Variants in ADARB2 observed in about 807,000 individuals in gnomAD.
ADARB2 encodes adenosine deaminase RNA specific B2 (inactive), also known as inactive double-stranded RNA-specific editase B2.
A neutral mutation model predicts 62.2 loss-of-function variants in ADARB2; 25 were observed. That is an observed-to-expected ratio of 0.40 (90% CI 0.29 to 0.56). ADARB2 has a LOEUF of 0.56. Among genes scored for constraint, ADARB2 ranks in the 20% least tolerant of loss-of-function variants. ADARB2 has a pLI of 0.43. For missense variants in ADARB2, 1,071 were observed against 1,077.4 expected, an observed-to-expected ratio of 0.99 and a Z score of 0.08; for synonymous variants, 572 against 500.8, an observed-to-expected ratio of 1.14 and a Z score of -1.90.
intron 1 of ADARB2, among the ~76,000 whole-genome samples, chr10:1,722,269 T>C (rs1272242881): frequency 1.3e-5 from 2 of 152,248 alleles, no homozygotes; most frequent in Non-Finnish European, 2.9e-5. Flanking sequence ...CTGGCTATTA[T>C]TGTGCATGCA....
At chr10:1,293,493 C>T (rs1321189969) in intron 3 of ADARB2, among the ~76,000 whole-genome samples, 2 of 152,178 alleles carry the variant, frequency 1.3e-5, no homozygotes, top group African/African-American at 4.8e-5. Flanking sequence ...AAATCTCTGC[C>T]TCTGTTGTGA....
rs139842618 is a variant in ADARB2, at chr10:1,420,329, G to A, written c.101-41169C>T. On this transcript the variant is annotated intron_variant, in intron 1 of 9. Coordinates refer to ENST00000381312, the MANE Select transcript of ADARB2 (RefSeq NM_018702.4). ...TGTAAGGCTGACAAAGAGTAGCACA[G>A]ACAGATATGTGGTGGGGGATTGTCA... Among the ~76,000 whole-genome samples, 235 of 152,326 alleles carry A rather than the reference G, an allele frequency of 1.5e-3. 1 individual carries two copies. The highest frequency in any genetic ancestry group is 3.8e-3 in the Admixed American group (58 of 15,302).
intron 1 of ADARB2, among the ~76,000 whole-genome samples, chr10:1,652,201 T>C (rs1183307687): frequency 6.6e-6 from 1 of 152,202 alleles, no homozygotes; most frequent in African/African-American, 2.4e-5. Context: ...CCTCACGCCC[T>C]GCAGCACAGC....
At chr10:1,361,064 G>A (rs112288821) in intron 3 of ADARB2, 2,922 of 152,326 alleles carry the variant, frequency 0.019, 35 homozygotes, top group Middle Eastern at 0.034. Flanking sequence ...TCCCAGCGAC[G>A]GGGGACACGC....
At chr10:1,402,137 T>G (rs1449448049) in intron 1 of ADARB2, among the ~76,000 whole-genome samples, 1 of 152,206 alleles carries the variant, frequency 6.6e-6, no homozygotes, top group Non-Finnish European at 1.5e-5. Flanking sequence ...GGAACTGCCC[T>G]GCAGACATTT....
In ADARB2 at chr10:1,217,022, T is replaced by C. The variant is rs140160847; in HGVS notation, c.1611A>G (p.Ala537=). 202 of 1,611,860 alleles carry C rather than the reference T, an allele frequency of 1.3e-4. No individual in the cohort carries two copies. The Admixed American group carries it at 1.5e-3, about 12-fold the overall frequency. The stretch of plus-strand genomic sequence containing the variant: ...GCAGGACGCCGTCCCAGGTCTGCAC[T>C]GCGCTGGGGCCACGCACGGGGACCG... ...EGTVPVRGPS[A]VQTWDGVLLG... The change falls in exon 7 of 10, where the codon GCA becomes GCG. Residue 537 remains alanine (A), a synonymous_variant. Transcript: ENST00000381312.
intron 1 of ADARB2, among the ~76,000 whole-genome samples, chr10:1,605,443 T>C (rs1833483308): frequency 1.3e-5 from 2 of 152,214 alleles, no homozygotes; most frequent in Admixed American, 1.3e-4. Context: ...TGATTCTGGA[T>C]TGAATGGGTA....
intron 1 of ADARB2, among the ~76,000 whole-genome samples, chr10:1,578,959 G>C (rs1377317688): frequency 6.6e-6 from 1 of 152,178 alleles, no homozygotes; most frequent in Non-Finnish European, 1.5e-5. Flanking sequence ...GGATGCCGCA[G>C]CCAGGGGCAG....
At chr10:1,698,170 T>C (rs1055938412) in intron 1 of ADARB2, among the ~76,000 whole-genome samples, 1 of 152,246 alleles carries the variant, frequency 6.6e-6, no homozygotes, top group African/African-American at 2.4e-5. Flanking sequence ...AATCAGATGG[T>C]AAAGACTTAA....
In ADARB2 at chr10:1,483,986, A is replaced by C. The variant is rs150419917; in HGVS notation, c.101-104826T>G. 6.8e-4 allele frequency among the ~76,000 whole-genome samples: 103 copies of C among 152,314 alleles called. No individual in the cohort carries two copies. The Middle Eastern group carries it at 0.014, about 20-fold the overall frequency. ...TTATTAACAATGCAGATACACATCA[A>C]AGCCACTATTGAATCTGTCTCTCCC... On this transcript the variant is annotated intron_variant, in intron 1 of 9. Transcript: ENST00000381312.
chr10:1,442,437 C>T (rs1302368597), intron 1 of ADARB2, among the ~76,000 whole-genome samples: 1 of 152,104 alleles, frequency 6.6e-6, no homozygotes, highest in Admixed American at 6.5e-5. Flanking sequence ...GAGCTCAAAC[C>T]ACAGGCCTGC....
intron 1 of ADARB2, among the ~76,000 whole-genome samples, chr10:1,579,649 A>G (rs913476446): frequency 1.3e-5 from 2 of 152,246 alleles, no homozygotes; most frequent in African/African-American, 4.8e-5. Flanking sequence ...AAAAAATAAA[A>G]TAAAGACTCC....
intron 1 of ADARB2, among the ~76,000 whole-genome samples, chr10:1,580,165 G>C (rs1310874815): frequency 1.3e-5 from 2 of 152,178 alleles, no homozygotes; most frequent in Non-Finnish European, 2.9e-5. Flanking sequence ...TTGTTGCACA[G>C]GTAAATCGCG....
intron 1 of ADARB2, among the ~76,000 whole-genome samples, chr10:1,566,967 G>C (rs1832867603): frequency 1.3e-5 from 2 of 152,070 alleles, no homozygotes; most frequent in Non-Finnish European, 2.9e-5. Flanking sequence ...ACACCTGTCA[G>C]GAAAGAAAAT....
chr10:1,376,882 G>C (rs1434169456), intron 2 of ADARB2, among the ~76,000 whole-genome samples: 1 of 145,422 alleles, frequency 6.9e-6, no homozygotes, highest in African/African-American at 2.5e-5. Context: ...TGGGTGGGGG[G>C]GGTTGTGTGC....
intron 1 of ADARB2, among the ~76,000 whole-genome samples, chr10:1,657,647 CA>C (rs1834188185): frequency 6.6e-6 from 1 of 152,188 alleles, no homozygotes; most frequent in Admixed American, 6.5e-5. Flanking sequence ...TAACAGACCT[CA>C]GAAGCCTTCC....
At chr10:1,204,062 CAG>C (rs1202564359) in intron 7 of ADARB2, among the ~76,000 whole-genome samples, 1 of 152,124 alleles carries the variant, frequency 6.6e-6, no homozygotes, top group Non-Finnish European at 1.5e-5. Context: ...TGGAAGAGCA[CAG>C]GGGACAGTTG....
chr10:1,375,789 C>A (rs1832418555), intron 2 of ADARB2, among the ~76,000 whole-genome samples: 2 of 138,632 alleles, frequency 1.4e-5, no homozygotes, highest in African/African-American at 5.8e-5. Context: ...CACACACATG[C>A]ACACACGCAC....
chr10:1,326,933 CCAGCGCCTCCCCACGGCA>C (rs1554754408), intron 3 of ADARB2, among the ~76,000 whole-genome samples: 2 of 23,286 alleles, frequency 8.6e-5, no homozygotes, highest in African/African-American at 1.9e-4. Context: ...TCCCCACTGC[CCAGCGCCTCCCCACGGCA>C]CAGCGCCTCC....
Sources: gnomAD v4.1 joint callset for allele counts (sites outside exome capture counted in the v4.1 genomes callset) on GRCh38, gnomAD v4.1.1 for gene constraint, MANE v1.5 for transcripts, NCBI Gene and HGNC (gene_info 2026-07-23, HGNC 2026-07-21) for gene names.